Variants in IQCH observed in about 807,000 individuals in gnomAD.
IQCH encodes IQ motif containing H, also known as IQ domain-containing protein H.
A neutral mutation model predicts 117.0 loss-of-function variants in IQCH; 98 were observed. The ratio of observed to expected loss-of-function variants is 0.84; its 90% CI spans 0.71 to 0.99. The LOEUF (loss-of-function observed/expected upper bound fraction) is 0.99. Ranked by LOEUF, IQCH falls within the 50% of genes least tolerant of loss-of-function variation. The pLI is 0.00. For synonymous variants in IQCH, 412 were observed against 448.2 expected, an observed-to-expected ratio of 0.92 and a Z score of 1.02; for missense variants, 1,102 against 1,243.8, an observed-to-expected ratio of 0.89 and a Z score of 1.72.
chr15:67,284,243 G>C (rs966307575), intron 4 of IQCH, among the ~76,000 whole-genome samples: 3 of 151,902 alleles, frequency 2.0e-5, no homozygotes, highest in African/African-American at 7.3e-5. Context: ...CCATCTTCAT[G>C]AGTTCAACTA....
Position 67,385,993 on chromosome 15 carries a change from A to C in IQCH, c.1456+974A>C, listed in dbSNP as rs964212892. On this transcript the variant is annotated intron_variant, in intron 11 of 20. Transcript: ENST00000335894. The surrounding 1 kb of genome is among the most constrained non-coding windows in gnomAD (Gnocchi z 4.6). ...AATGCTATTTGGTATCAAAAAATAC[A>C]TCAGTACTAGAAATTTACAGTGTCC... Among the ~76,000 whole-genome samples, 1 of 152,224 alleles carries C rather than the reference A, an allele frequency of 6.6e-6. No individual in the cohort carries two copies. Among genetic ancestry groups the C allele is most frequent in the African/African-American group, 2.4e-5 (1 of 41,458 alleles).
chr15:67,499,183 T>C (rs1382038160), intron 20 of IQCH, among the ~76,000 whole-genome samples: 2 of 150,742 alleles, frequency 1.3e-5, no homozygotes, highest in Non-Finnish European at 2.9e-5. Context: ...CCTGTAGTTC[T>C]AGCTGCTCAG....
At chr15:67,497,910 A>G (rs765111348) in intron 20 of IQCH, among the ~76,000 whole-genome samples, 16 of 152,252 alleles carry the variant, frequency 1.1e-4, no homozygotes, top group Non-Finnish European at 2.1e-4. Flanking sequence ...ATAGAAGACA[A>G]TAAGGCTAAG....
chr15:67,435,252 C>T (rs545653337), intron 16 of IQCH, among the ~76,000 whole-genome samples: 1 of 152,014 alleles, frequency 6.6e-6, no homozygotes, highest in South Asian at 2.1e-4. Context: ...TGATGCTGAG[C>T]ACCTTTTATA....
At chr15:67,468,393 T>A (rs2082986379) in intron 17 of IQCH, among the ~76,000 whole-genome samples, 1 of 152,248 alleles carries the variant, frequency 6.6e-6, no homozygotes, top group African/African-American at 2.4e-5. Context: ...ATGCTTCGGG[T>A]TTGATTTTGA....
In IQCH at chr15:67,391,205, C is replaced by T. The variant is rs567160228; in HGVS notation, c.1632+2199C>T. On this transcript the variant is annotated intron_variant, in intron 12 of 20. Transcript: ENST00000335894. The surrounding 1 kb of genome is among the most constrained non-coding windows in gnomAD (Gnocchi z 4.3). ...AGGTTTACATCTTTGTGAGTAGAAA[C>T]AAGTAGGCAAGGTTTTAAGTACTTA... Among the ~76,000 whole-genome samples the T allele has an allele frequency of 2.5e-3, 382 of 152,234 alleles. 5 individuals are homozygous for T. The highest frequency in any genetic ancestry group is 3.4e-3 in the Non-Finnish European group (230 of 68,022).
intron 17 of IQCH, among the ~76,000 whole-genome samples, chr15:67,468,014 C>G (rs2082976752): frequency 6.6e-6 from 1 of 152,200 alleles, no homozygotes; most frequent in South Asian, 2.1e-4. Flanking sequence ...TTCTGATTCA[C>G]TGACCTCCAC....
rs1003622939 is a variant in IQCH at position 67,395,613 on chromosome 15, C to G, written c.1905+50C>G. On this transcript the variant is annotated intron_variant, in intron 13 of 20. Transcript: ENST00000335894. This position sits in a 1 kb window ranked among gnomAD's most constrained non-coding sequence, Gnocchi z 4.0. ...TCTGTTCAAATATTTGAAACATCCT[C>G]TTGATCTTGGACAATTTCCAAGTCT... The G allele has an allele frequency of 1.3e-6, 2 of 1,570,082 alleles. No homozygotes were observed. Among genetic ancestry groups the G allele is most frequent in the African/African-American group, 2.7e-5 (2 of 73,922 alleles).
intron 16 of IQCH, among the ~76,000 whole-genome samples, chr15:67,429,340 C>G (rs1385481868): frequency 2.6e-5 from 4 of 151,914 alleles, no homozygotes; most frequent in African/African-American, 2.4e-5. Flanking sequence ...ATAGCAAAAC[C>G]CTTGTCTCTA....
chr15:67,438,813 G>A (rs1230348029), intron 16 of IQCH, among the ~76,000 whole-genome samples: 1 of 152,188 alleles, frequency 6.6e-6, no homozygotes, highest in Non-Finnish European at 1.5e-5. Flanking sequence ...GACAAAGAGG[G>A]ATGTTATATA....
At chr15:67,345,246 C>T (rs2140688790) in intron 6 of IQCH, among the ~76,000 whole-genome samples, 1 of 152,248 alleles carries the variant, frequency 6.6e-6, no homozygotes, top group Non-Finnish European at 1.5e-5. Flanking sequence ...CCGCCTTGGC[C>T]TACCAAAGTG....
chr15:67,464,690 A>T (rs2082886440), intron 16 of IQCH, among the ~76,000 whole-genome samples: 2 of 152,072 alleles, frequency 1.3e-5, no homozygotes, highest in Non-Finnish European at 1.5e-5. Context: ...CTTTTTCCAA[A>T]ATCAGGGCAA....
chr15:67,344,707 A>ATT (rs1969311627), intron 6 of IQCH, among the ~76,000 whole-genome samples: 1 of 152,240 alleles, frequency 6.6e-6, no homozygotes, highest in South Asian at 2.1e-4. Flanking sequence ...GGTAACTGGA[A>ATT]TTTGAACTAT....
Position 67,385,042 on chromosome 15 carries a change from A to G in IQCH, c.1456+23A>G. On this transcript the variant is annotated intron_variant, in intron 11 of 20. Coordinates refer to ENST00000335894, the MANE Select transcript of IQCH (RefSeq NM_001031715.3). The surrounding 1 kb of genome is among the most constrained non-coding windows in gnomAD (Gnocchi z 4.6). ...TAGGTACAGTAAATAGTTTTACACA[A>G]ATGACTCTTTGGAATGTTTATCAGT... 7.1e-7 allele frequency: 1 copy of G among 1,400,610 alleles called. No homozygotes were observed. The allele number at this position is 1,400,610 out of a possible 1,614,324, so 86.8% of individuals were successfully genotyped here.
Position 67,351,522 on chromosome 15 carries a change from A to G in IQCH, c.638-5823A>G, listed in dbSNP as rs893052133. On this transcript the variant is annotated intron_variant, in intron 6 of 20. Coordinates refer to ENST00000335894, the MANE Select transcript of IQCH (RefSeq NM_001031715.3). The stretch of plus-strand genomic sequence containing the variant: ...TATGCACAAGCGTTTTTCTTGGTCA[A>G]TATGAGTGGAAATGTTGGTCATGGG... 2.0e-5 allele frequency among the ~76,000 whole-genome samples: 3 copies of G among 152,238 alleles called. No individual in the cohort carries two copies. In the East Asian group the frequency reaches 5.8e-4, roughly 29 times the overall value.
chr15:67,277,044 T>A (rs1966153328), intron 3 of IQCH, among the ~76,000 whole-genome samples: 1 of 152,260 alleles, frequency 6.6e-6, no homozygotes, highest in Non-Finnish European at 1.5e-5. Flanking sequence ...ATATTGACAT[T>A]TCTTCAAGAT....
intron 17 of IQCH, among the ~76,000 whole-genome samples, chr15:67,468,254 C>A (rs1785198423): frequency 6.6e-6 from 1 of 152,192 alleles, no homozygotes; most frequent in African/African-American, 2.4e-5. Flanking sequence ...AACATCTTAA[C>A]ACAACCCAAG....
At chr15:67,477,374 T>G (rs1270446357) in intron 18 of IQCH, among the ~76,000 whole-genome samples, 1 of 152,060 alleles carries the variant, frequency 6.6e-6, no homozygotes, top group Non-Finnish European at 1.5e-5. Flanking sequence ...TTAAAAAGCA[T>G]GCAGACCTTC....
rs529886596 is a variant in IQCH at position 67,367,556 on chromosome 15, G to A, written c.754-4555G>A. Among the ~76,000 whole-genome samples, 57 of 152,024 alleles carry A rather than the reference G, an allele frequency of 3.7e-4. 1 individual carries two copies. The highest frequency in any genetic ancestry group is 1.5e-4 in the Non-Finnish European group (10 of 67,980). ...CCTGTCTCTAAAAATAATAATTATC[G>A]TTCAGTTTTTTTAAAAGAAAAAGAA... On this transcript the variant is annotated intron_variant, in intron 8 of 20. Transcript: ENST00000335894.
Sources: allele counts gnomAD v4.1 joint callset (sites outside exome capture counted in the v4.1 genomes callset), GRCh38; gene constraint gnomAD v4.1.1; non-coding constraint Gnocchi (gnomAD v3.1); transcripts MANE v1.5; gene names NCBI Gene and HGNC (gene_info 2026-07-23, HGNC 2026-07-21).